The following ST3GAL6 variants were observed in gnomAD, a reference collection of about 807,000 sequenced individuals.
The protein encoded by ST3GAL6 is ST3 beta-galactoside alpha-2,3-sialyltransferase 6, also known as type 2 lactosamine alpha-2,3-sialyltransferase.
ST3GAL6 carries 31 observed loss-of-function variants against 40.5 expected under a neutral mutation model. The ratio of observed to expected loss-of-function variants is 0.77; its 90% CI spans 0.58 to 1.03. The LOEUF (loss-of-function observed/expected upper bound fraction) is 1.03. Ranked by LOEUF, ST3GAL6 falls within the 50% of genes least tolerant of loss-of-function variation. ST3GAL6 has a pLI of 0.00. For synonymous variants in ST3GAL6, 129 were observed against 136.9 expected (o/e 0.94, Z 0.40); for missense variants, 357 against 393.2 (o/e 0.91, Z 0.78).
chr3:98,732,707 G>C, intron 1 of ST3GAL6: 1 of 719,792 alleles, frequency 1.4e-6, no homozygotes, highest in South Asian at 2.5e-5. Flanking sequence ...CGGCGCAGTC[G>C]CCCGGGATTG....
intron 1 of ST3GAL6, among the ~76,000 whole-genome samples, chr3:98,745,764 G>A (rs1936492593): frequency 2.6e-5 from 4 of 152,138 alleles, no homozygotes; most frequent in Admixed American, 6.5e-5. Flanking sequence ...TTTTGCCCTT[G>A]GAGGAGGGAG....
intron 1 of ST3GAL6, among the ~76,000 whole-genome samples, chr3:98,746,808 C>T (rs1162041428): frequency 6.6e-6 from 1 of 152,102 alleles, no homozygotes; most frequent in Non-Finnish European, 1.5e-5. Context: ...CATATAATCA[C>T]ATCAGGATAA....
At position 98,772,870 on chromosome 3, in the gene ST3GAL6, G is replaced by T; in HGVS notation, c.225G>T (p.Leu75Phe). The T allele has an allele frequency of 6.2e-7, 1 of 1,613,008 alleles. No homozygotes were observed. The highest frequency in any genetic ancestry group is 8.5e-7 in the Non-Finnish European group (1 of 1,179,238). Residue 75 changes from leucine (L) to phenylalanine (F), a missense_variant, in exon 4 of 10, where the codon TTG (leucine) becomes TTT (phenylalanine). Physicochemically the swap from Leu to Phe is conservative, Grantham distance 22. Coordinates refer to ENST00000483910, the MANE Select transcript of ST3GAL6 (RefSeq NM_001323368.2). ...CAADFRKIAS[L>F]YGSDKFDLPY... ...CTGATTTTAGAAAGATTGCTTCCTT[G>T]TATGGTAGCGATAAGTTTGATTTGC...
At chr3:98,741,498 A>G (rs541201470) in intron 1 of ST3GAL6, among the ~76,000 whole-genome samples, 1 of 152,122 alleles carries the variant, frequency 6.6e-6, no homozygotes, top group African/African-American at 2.4e-5. Context: ...CTGAGACATG[A>G]AACTGCCAAG....
At position 98,768,446 on chromosome 3, in the gene ST3GAL6, A is replaced by T; in HGVS notation, c.6A>T (p.Arg2Ser). 6.2e-7 allele frequency: 1 copy of T among 1,613,694 alleles called. No homozygotes were observed. The highest frequency in any genetic ancestry group is 8.5e-7 in the Non-Finnish European group (1 of 1,179,702). The change falls in exon 2 of 10, where the codon AGA (arginine) becomes AGT (serine). Residue 2 changes from arginine (R) to serine (S), a missense_variant. Transcript: ENST00000483910. ...GTGTTTCAGGTGAGCCAGCCATGAG[A>T]GGGTATCTTGTGGCCATATTCCTGA... M[R>S]GYLVAIFLSA...
upstream of ST3GAL6, among the ~76,000 whole-genome samples, chr3:98,759,131 A>T (rs1937572505): frequency 2.6e-5 from 4 of 152,234 alleles, no homozygotes; most frequent in Admixed American, 2.6e-4. Flanking sequence ...AAGTGACAAG[A>T]TGAGAGCTGC....
chr3:98,779,491 A>T (rs1259296634), intron 5 of ST3GAL6, among the ~76,000 whole-genome samples: 1 of 152,202 alleles, frequency 6.6e-6, no homozygotes, highest in Non-Finnish European at 1.5e-5. Flanking sequence ...GATGGTATTG[A>T]AGGGAAAATG....
chr3:98,793,314 C>T (rs887060112), intron 9 of ST3GAL6, among the ~76,000 whole-genome samples: 3 of 152,152 alleles, frequency 2.0e-5, no homozygotes, highest in Non-Finnish European at 2.9e-5. Context: ...AGTTTATCTC[C>T]AGGCTGATTT....
intron 1 of ST3GAL6, among the ~76,000 whole-genome samples, chr3:98,740,307 C>CA (rs1282034836): frequency 7.3e-5 from 10 of 137,156 alleles, no homozygotes; most frequent in Non-Finnish European, 1.5e-4. Context: ...CATATTCTTA[C>CA]AAAAATCTTA....
At chr3:98,754,677 A>G (rs1937283486) in intron 1 of ST3GAL6, among the ~76,000 whole-genome samples, 1 of 152,194 alleles carries the variant, frequency 6.6e-6, no homozygotes, top group Non-Finnish European at 1.5e-5. Context: ...TGACACAGCA[A>G]ACGTCATTGT....
chr3:98,773,129 A>G (rs1939171871), intron 4 of ST3GAL6: 1 of 312,198 alleles, frequency 3.2e-6, no homozygotes, highest in Non-Finnish European at 5.8e-6. Flanking sequence ...ACAGGGGTAG[A>G]TTTGTTGTTG....
At position 98,782,766 on chromosome 3, in the gene ST3GAL6, T is replaced by C. The variant is rs964485313; in HGVS notation, c.336-2179T>C. On this transcript the variant is annotated intron_variant, in intron 5 of 9. Transcript: ENST00000483910. ...GTTCAGCCTCCAAGTGGTCTCATAA[T>C]CAACAAAGAATCTGAAGTTTACAAG... The C allele has an allele frequency of 1.2e-5, 6 of 514,280 alleles. No homozygotes were observed. In the Admixed American group the frequency reaches 1.4e-4, roughly 12 times the overall value. The allele number at this position is 514,280 out of a possible 1,614,324, so 31.9% of individuals were successfully genotyped here.
intron 1 of ST3GAL6, among the ~76,000 whole-genome samples, chr3:98,744,413 G>A (rs62278473): frequency 6.6e-6 from 1 of 152,084 alleles, no homozygotes; most frequent in Admixed American, 6.5e-5. Context: ...ACTGAGTAGT[G>A]GCTACACCCT....
intron 5 of ST3GAL6, among the ~76,000 whole-genome samples, chr3:98,777,120 C>T (rs569299292): frequency 5.9e-5 from 9 of 152,308 alleles, no homozygotes; most frequent in African/African-American, 1.7e-4. Context: ...CCACCGATCA[C>T]GCCTACCTCC....
intron 1 of ST3GAL6, among the ~76,000 whole-genome samples, chr3:98,734,786 A>G (rs919470815): frequency 6.6e-6 from 1 of 152,188 alleles, no homozygotes; most frequent in African/African-American, 2.4e-5. Context: ...TCTCCTGTGA[A>G]ATTGTAAATC....
intron 1 of ST3GAL6, among the ~76,000 whole-genome samples, chr3:98,746,024 G>C (rs1344683585): frequency 6.6e-6 from 1 of 152,192 alleles, no homozygotes; most frequent in African/African-American, 2.4e-5. Flanking sequence ...ATCTGTGATG[G>C]ATGGTTGGAT....
intron 1 of ST3GAL6, among the ~76,000 whole-genome samples, chr3:98,755,489 T>C (rs1937351565): frequency 6.6e-6 from 1 of 152,206 alleles, no homozygotes; most frequent in African/African-American, 2.4e-5. Context: ...TTTTTTCTAG[T>C]ATAAAGAGGG....
chr3:98,771,837 A>G (rs765659924), intron 3 of ST3GAL6, among the ~76,000 whole-genome samples: 22 of 152,122 alleles, frequency 1.4e-4, no homozygotes, highest in Non-Finnish European at 2.4e-4. Flanking sequence ...AGTGTTTTAA[A>G]CTTTTTTGAA....
At chr3:98,770,531 G>A (rs372573487) in intron 2 of ST3GAL6, 19 of 195,428 alleles carry the variant, frequency 9.7e-5, no homozygotes, top group Admixed American at 4.4e-4. Flanking sequence ...GGTGAGTTTC[G>A]GTTTCTCCAG....
Sources: gnomAD v4.1 joint callset for allele counts (sites outside exome capture counted in the v4.1 genomes callset) on GRCh38, gnomAD v4.1.1 for gene constraint, MANE v1.5 for transcripts, NCBI Gene and HGNC (gene_info 2026-07-23, HGNC 2026-07-21) for gene names.